PACS2: variants seen among roughly 807,000 people sequenced by gnomAD.
PACS2 encodes the protein phosphofurin acidic cluster sorting protein 2, also known as PACS1-like protein.
A neutral mutation model predicts 113.0 loss-of-function variants in PACS2; 36 were observed. The ratio of observed to expected loss-of-function variants is 0.32; its 90% CI spans 0.24 to 0.42. PACS2 has a LOEUF of 0.42. Ranked by LOEUF, PACS2 falls within the 10% of genes least tolerant of loss-of-function variation. PACS2 has a pLI of 1.00. For synonymous variants in PACS2, 589 were observed against 536.1 expected (o/e 1.10, Z -1.36); for missense variants, 1,015 against 1,239.5 (o/e 0.82, Z 2.72).
chr14:105,358,948 C>T lies in PACS2; in HGVS notation c.423+3771C>T, dbSNP rs114383682. 7.4e-3 allele frequency among the ~76,000 whole-genome samples: 1,129 copies of T among 152,320 alleles called. 16 individuals carry two copies. The highest frequency in any genetic ancestry group is 0.026 in the African/African-American group (1,067 of 41,556). The stretch of plus-strand genomic sequence containing the variant: ...TGGGCTGCATATCAATGGGTGGCCC[C>T]GTGAGAATATGATGGCACTGGACAC... On this transcript the variant is annotated intron_variant, in intron 4 of 24. Coordinates refer to ENST00000447393, the MANE Select transcript of PACS2 (RefSeq NM_001100913.3). This position sits in a 1 kb window ranked among gnomAD's most constrained non-coding sequence, Gnocchi z 4.9.
In PACS2 at chr14:105,391,667, C is replaced by T. The variant is rs587745743; in HGVS notation, c.2156C>T (p.Thr719Met). The stretch of plus-strand genomic sequence containing the variant: ...GACGCGGCCCCCTCGGGCTCTGGCA[C>T]GCTCTCCTCCACCCCGCCGTCCGCA... ...SDDAAPSGSG[T>M]LSSTPPSASP... is the part of the protein sequence containing the mutation. Residue 719 changes from threonine (T) to methionine (M), a missense_variant, in exon 22 of 25, where the codon ACG becomes ATG. Physicochemically the swap from Thr to Met is moderately conservative, Grantham distance 81 (BLOSUM62 -1). This residue lies in a region of PACS2 where 859 missense variants were observed against 1,056.8 expected (regional missense o/e 0.81). Coordinates refer to ENST00000447393, the MANE Select transcript of PACS2 (RefSeq NM_001100913.3). 33 of 1,610,516 alleles carry T rather than the reference C, an allele frequency of 2.0e-5. No individual in the cohort carries two copies. The highest frequency in any genetic ancestry group is 5.3e-5 in the African/African-American group (4 of 75,024).
chr14:105,355,090 G>A lies in PACS2; in HGVS notation c.336G>A (p.Gln112=), dbSNP rs1343863487. ...TGAAGAGGGAAGGCAACAAGCTTCAGATCATGCTGCAGCGCAGAAAGCGCT... is the reference window on the plus strand; with the variant it reads ...TGAAGAGGGAAGGCAACAAGCTTCAAATCATGCTGCAGCGCAGAAAGCGCT... The part of the protein sequence containing the change: ...HFLKREGNKL[Q]IMLQRRKRYK... The change falls in exon 4 of 25, where the codon CAG becomes CAA. Residue 112 remains glutamine (Q), a synonymous_variant. Transcript: ENST00000447393. The surrounding 1 kb of genome is among the most constrained non-coding windows in gnomAD (Gnocchi z 4.1). 3 of 1,613,646 alleles carry A rather than the reference G, an allele frequency of 1.9e-6. No homozygotes were observed. The highest frequency in any genetic ancestry group is 2.5e-6 in the Non-Finnish European group (3 of 1,179,906).
intron 5 of PACS2, 95 bp from the exon 6 acceptor site, chr14:105,367,979 C>G: frequency 1.2e-6 from 1 of 805,394 alleles, no homozygotes; most frequent in South Asian, 1.4e-5. Flanking sequence ...CCTCGCTGCC[C>G]CCACTCTGTG....
intron 11 of PACS2, among the ~76,000 whole-genome samples, chr14:105,380,658 A>G (rs1024988012): frequency 1.9e-4 from 29 of 152,246 alleles, no homozygotes; most frequent in Admixed American, 3.9e-4. Context: ...GCACCCAGGA[A>G]CGCCTGGTTC....
rs782726543 is a variant in PACS2 at position 105,355,817 on chromosome 14, C to T, written c.423+640C>T. On this transcript the variant is annotated intron_variant, in intron 4 of 24. Transcript: ENST00000447393. The surrounding 1 kb of genome is among the most constrained non-coding windows in gnomAD (Gnocchi z 4.1). Reference sequence around the variant, plus strand: ...GGCGTGGGGGCCTGGGAGAAGACACCCCAGGCTGAGGCCTCGGACTTTCTC... The same window carrying T: ...GGCGTGGGGGCCTGGGAGAAGACACTCCAGGCTGAGGCCTCGGACTTTCTC... Among the ~76,000 whole-genome samples, 7 of 152,210 alleles carry T rather than the reference C, an allele frequency of 4.6e-5. No homozygotes were observed. Among genetic ancestry groups the T allele is most frequent in the Non-Finnish European group, 1.0e-4 (7 of 68,032 alleles).
At chr14:105,382,433 G>T (rs781844656) in intron 13 of PACS2, 44 bp from the exon 14 acceptor site, 51 of 1,157,382 alleles carry the variant, frequency 4.4e-5, no homozygotes, top group East Asian at 4.7e-5. Context: ...GGGGATGGGC[G>T]CTGTGCTTCT....
intron 8 of PACS2, among the ~76,000 whole-genome samples, chr14:105,374,439 T>C (rs942633721): frequency 6.6e-6 from 1 of 152,162 alleles, no homozygotes; most frequent in Non-Finnish European, 1.5e-5. Context: ...CCAGAACACA[T>C]AAAGAATGCT....
chr14:105,382,370 C>T (rs1329200025), intron 13 of PACS2, 107 bp from the exon 14 acceptor site: 2 of 765,346 alleles, frequency 2.6e-6, no homozygotes, highest in African/African-American at 1.7e-5. Context: ...GCCACCGAGC[C>T]TCTGTGGCTG....
chr14:105,381,362 C>T (rs369722613), intron 12 of PACS2, among the ~76,000 whole-genome samples: 45 of 152,236 alleles, frequency 3.0e-4, no homozygotes, highest in African/African-American at 9.9e-4. Flanking sequence ...CAGGTGCCCC[C>T]ACATCCCCCT....
chr14:105,360,586 G>A (rs936362106), intron 4 of PACS2, among the ~76,000 whole-genome samples: 15 of 151,768 alleles, frequency 9.9e-5, no homozygotes, highest in Non-Finnish European at 1.6e-4. Context: ...AATCATCTGA[G>A]CCTTCGGGGA....
rs1321028435 is a variant in PACS2, at chr14:105,355,006, G to C, written c.298-46G>C. 1 of 1,600,080 alleles carries C rather than the reference G, an allele frequency of 6.2e-7. No individual in the cohort carries two copies. Among genetic ancestry groups the C allele is most frequent in the Non-Finnish European group, 8.5e-7 (1 of 1,173,312 alleles). ...GCCGTCAGAGGCCGTGATGCTGCCT[G>C]GGGCCCCGGTGCACCCTCAGCTGCC... On this transcript the variant is annotated intron_variant, in intron 3 of 24. Transcript: ENST00000447393. This position sits in a 1 kb window ranked among gnomAD's most constrained non-coding sequence, Gnocchi z 4.1.
Position 105,323,259 on chromosome 14 carries a change from C to A in PACS2, c.119+8222C>A, listed in dbSNP as rs987607073. On this transcript the variant is annotated intron_variant, in intron 1 of 24. Coordinates refer to ENST00000447393, the MANE Select transcript of PACS2 (RefSeq NM_001100913.3). This position sits in a 1 kb window ranked among gnomAD's most constrained non-coding sequence, Gnocchi z 4.1. ...TTCTGCGCTATTCTCTCTCTCACCT[C>A]TGGAGCAACAATTGGACGTGTTGCT... 5.3e-5 allele frequency among the ~76,000 whole-genome samples: 8 copies of A among 152,362 alleles called. No homozygotes were observed. Among genetic ancestry groups the A allele is most frequent in the Admixed American group, 4.6e-4 (7 of 15,304 alleles).
At chr14:105,341,721 T>C (rs1429790536) in intron 1 of PACS2, among the ~76,000 whole-genome samples, 1 of 152,260 alleles carries the variant, frequency 6.6e-6, no homozygotes, top group East Asian at 1.9e-4. Flanking sequence ...ATTTATGTTT[T>C]AGAGACAGAG....
intron 19 of PACS2, 76 bp from the exon 20 acceptor site, chr14:105,389,885 G>A (rs1156309491): frequency 8.7e-6 from 12 of 1,371,652 alleles, no homozygotes; most frequent in Non-Finnish European, 1.2e-5. Flanking sequence ...CAGGTTCTCA[G>A]GCCAAGAGGG....
At chr14:105,331,865 G>A (rs909399577) in intron 1 of PACS2, among the ~76,000 whole-genome samples, 7 of 152,200 alleles carry the variant, frequency 4.6e-5, no homozygotes, top group African/African-American at 1.7e-4. Flanking sequence ...GCCTGAAGAT[G>A]GCGTTTTTGT....
intron 7 of PACS2, among the ~76,000 whole-genome samples, chr14:105,369,003 G>A (rs1347547068): frequency 6.6e-6 from 1 of 152,356 alleles, no homozygotes; most frequent in South Asian, 2.1e-4. Flanking sequence ...CTCAGAGGCC[G>A]TGTCCGGCAC....
chr14:105,370,001 C>A, intron 8 of PACS2, 101 bp downstream of exon 8: 3 of 1,035,264 alleles, frequency 2.9e-6, no homozygotes, highest in South Asian at 2.8e-5. Flanking sequence ...TCTGGTTCTG[C>A]CGCTCACCGT....
Position 105,346,046 on chromosome 14 carries a change from A to G in PACS2, c.120-2447A>G, listed in dbSNP as rs112892383. Among the ~76,000 whole-genome samples the G allele has an allele frequency of 2.8e-3, 422 of 152,336 alleles. 2 individuals carry two copies. Among genetic ancestry groups the G allele is most frequent in the Non-Finnish European group, 4.7e-3 (318 of 68,024 alleles). ...TGGCCTCAGAGTGCACCTTGTGCTC[A>G]CAAACACTGACGGGCGACAGTGGAC... On this transcript the variant is annotated intron_variant, in intron 1 of 24. Coordinates refer to ENST00000447393, the MANE Select transcript of PACS2 (RefSeq NM_001100913.3).
intron 1 of PACS2, among the ~76,000 whole-genome samples, chr14:105,331,030 A>G (rs587706575): frequency 1.3e-3 from 199 of 150,606 alleles, no homozygotes; most frequent in African/African-American, 4.7e-3. Context: ...ATCTCGGCTC[A>G]CTGCAACCTT....
Sources: allele counts gnomAD v4.1 joint callset (sites outside exome capture counted in the v4.1 genomes callset), GRCh38; gene constraint gnomAD v4.1.1; regional missense constraint gnomAD v4.1.1; non-coding constraint Gnocchi (gnomAD v3.1); transcripts MANE v1.5; gene names NCBI Gene and HGNC (gene_info 2026-07-23, HGNC 2026-07-21).